The following TRPM6 variants were observed in gnomAD, a reference collection of about 807,000 sequenced individuals.
TRPM6 encodes channel kinase 2.
TRPM6 carries 111 observed loss-of-function variants against 247.6 expected under a neutral mutation model. That is an observed-to-expected ratio of 0.45 (90% confidence interval 0.38 to 0.52). The LOEUF (loss-of-function observed/expected upper bound fraction) is 0.52. Ranked by LOEUF, TRPM6 falls within the 20% of genes least tolerant of loss-of-function variation. TRPM6 has a pLI of 0.00. For missense variants in TRPM6, 2,126 were observed against 2,421.5 expected, an observed-to-expected ratio of 0.88 and a Z score of 2.56; for synonymous variants, 892 against 853.8, an observed-to-expected ratio of 1.04 and a Z score of -0.78.
At chr9:74,806,257 A>G (rs1828522918) in intron 14 of TRPM6, among the ~76,000 whole-genome samples, 1 of 151,778 alleles carries the variant, frequency 6.6e-6, no homozygotes, top group African/African-American at 2.4e-5. Context: ...AAAAAAAACC[A>G]TAGGCTTTTT....
intron 32 of TRPM6, among the ~76,000 whole-genome samples, chr9:74,743,297 T>C (rs1340127247): frequency 1.3e-5 from 2 of 152,192 alleles, no homozygotes; most frequent in Non-Finnish European, 2.9e-5. Context: ...AGGCAATCTA[T>C]TACTAGACCC....
Position 74,762,499 on chromosome 9 carries a change from G to A in TRPM6, c.4172C>T (p.Thr1391Ile). The A allele has an allele frequency of 6.2e-7, 1 of 1,614,148 alleles. No individual in the cohort carries two copies. Among genetic ancestry groups the A allele is most frequent in the Non-Finnish European group, 8.5e-7 (1 of 1,180,020 alleles). Residue 1391 changes from threonine (T) to isoleucine (I), a missense_variant, in exon 26 of 39, where the codon ACC becomes ATC. Thr to Ile is a moderately conservative substitution (Grantham distance 89). Around this residue, in one of 3 missense-constraint regions of TRPM6, gnomAD observed 717 missense variants for 715.9 expected, o/e 1.00. Transcript: ENST00000360774. ...TEVLVHLTGQ[T>I]PVVSDWASVD... ...TGATGCCCAGTCAGAGACAACTGGG[G>A]TCTGCCCAGTCAGATGAACAAGAAC...
chr9:74,769,569 T>C (rs1223491154), intron 25 of TRPM6, among the ~76,000 whole-genome samples: 1 of 151,766 alleles, frequency 6.6e-6, no homozygotes, highest in African/African-American at 2.4e-5. Context: ...GCATCCTGGC[T>C]AACACGGTGA....
intron 3 of TRPM6, among the ~76,000 whole-genome samples, chr9:74,854,798 A>G (rs1419106285): frequency 6.6e-6 from 1 of 152,174 alleles, no homozygotes; most frequent in Admixed American, 6.5e-5. Flanking sequence ...CAAGTAGCTG[A>G]GTATACAGGC....
chr9:74,740,687 A>T (rs1335160625), intron 33 of TRPM6, among the ~76,000 whole-genome samples: 1 of 152,184 alleles, frequency 6.6e-6, no homozygotes, highest in Non-Finnish European at 1.5e-5. Flanking sequence ...ACATGAGGTC[A>T]GTTGTGGGAG....
chr9:74,820,265 G>A, intron 9 of TRPM6, 39 bp downstream of exon 9: 1 of 1,605,148 alleles, frequency 6.2e-7, no homozygotes, highest in South Asian at 1.1e-5. Flanking sequence ...TAAATTAGCA[G>A]TTCTTAAGTC....
chr9:74,828,731 C>G (rs971099052), intron 6 of TRPM6, among the ~76,000 whole-genome samples: 1 of 150,942 alleles, frequency 6.6e-6, no homozygotes, highest in African/African-American at 2.4e-5. Flanking sequence ...CAAGTTCAAG[C>G]GATTCTCCTG....
intron 3 of TRPM6, among the ~76,000 whole-genome samples, chr9:74,852,465 C>G (rs1830360590): frequency 6.6e-6 from 1 of 150,388 alleles, no homozygotes; most frequent in Non-Finnish European, 1.5e-5. Flanking sequence ...CTCTCCCTCT[C>G]CCTCTCCCTC....
intron 7 of TRPM6, among the ~76,000 whole-genome samples, chr9:74,825,005 AT>A (rs1829279099): frequency 6.6e-6 from 1 of 152,184 alleles, no homozygotes; most frequent in Admixed American, 6.5e-5. Context: ...CACACCTGTA[AT>A]TCCAGCACTT....
chr9:74,834,249 C>A, intron 5 of TRPM6, 127 bp from the exon 6 acceptor site: 2 of 1,133,594 alleles, frequency 1.8e-6, no homozygotes, highest in Non-Finnish European at 2.6e-6. Context: ...GTTGCTGGTA[C>A]AGTGGAATTA....
chr9:74,851,019 A>G (rs569921974), intron 3 of TRPM6, among the ~76,000 whole-genome samples: 21 of 152,368 alleles, frequency 1.4e-4, no homozygotes, highest in Non-Finnish European at 2.9e-4. Context: ...ATGCTTTTAT[A>G]AGGCAGTTCT....
rs774916775 is a variant in TRPM6, at chr9:74,752,361, T to G, written c.4914A>C (p.Glu1638Asp). ...TTTTCATTTTCTGATGTATGTAAGG[T>G]TCTACACCTTGTAAAGAGGAAGAGA... ...TVSKFSHTGVEPYIHQKMKTK... is the reference protein window; with the variant it reads ...TVSKFSHTGVDPYIHQKMKTK... The change falls in exon 29 of 39, where the codon GAA becomes GAC. Residue 1638 changes from glutamate (E) to aspartate (D), a missense_variant. Physicochemically the swap from Glu to Asp is conservative, Grantham distance 45. This residue lies in a region of TRPM6 where 717 missense variants were observed against 715.9 expected (regional missense o/e 1.00). Coordinates refer to ENST00000360774, the MANE Select transcript of TRPM6 (RefSeq NM_017662.5). The G allele has an allele frequency of 1.9e-6, 3 of 1,554,022 alleles. No individual in the cohort carries two copies. Among genetic ancestry groups the G allele is most frequent in the Non-Finnish European group, 2.7e-6 (3 of 1,131,920 alleles).
At chr9:74,812,571 A>C in intron 11 of TRPM6, 138 bp from the exon 12 acceptor site, 3 of 855,322 alleles carry the variant, frequency 3.5e-6, no homozygotes, top group Non-Finnish European at 5.4e-6. Context: ...GTACAGAAAA[A>C]AAAAAAAAAG....
At position 74,855,364 on chromosome 9, in the gene TRPM6, G is replaced by A. The variant is rs12344746; in HGVS notation, c.152+163C>T. ...GTAATTCAAGTAGTCTATTACGTTC[G>A]AATACTCACTCTCCATCAAAAACAT... On this transcript the variant is annotated intron_variant, in intron 3 of 38. Transcript: ENST00000360774. Among the ~76,000 whole-genome samples, 1,099 of 152,216 alleles carry A rather than the reference G, an allele frequency of 7.2e-3. 15 individuals carry two copies. Among genetic ancestry groups the A allele is most frequent in the African/African-American group, 0.025 (1,033 of 41,512 alleles).
chr9:74,886,419 T>G (rs1831530253), intron 1 of TRPM6, among the ~76,000 whole-genome samples: 1 of 152,192 alleles, frequency 6.6e-6, no homozygotes, highest in Non-Finnish European at 1.5e-5. Flanking sequence ...CGTTTCCCAC[T>G]TTAACAATTA....
intron 3 of TRPM6, among the ~76,000 whole-genome samples, chr9:74,846,526 T>C (rs1170973917): frequency 6.6e-6 from 1 of 152,166 alleles, no homozygotes; most frequent in African/African-American, 2.4e-5. Context: ...ACATTTTTCT[T>C]ATCGATATTT....
intron 1 of TRPM6, among the ~76,000 whole-genome samples, chr9:74,873,334 T>G (rs144662526): frequency 6.6e-6 from 1 of 152,320 alleles, no homozygotes; most frequent in Non-Finnish European, 1.5e-5. Context: ...TGTACTATCA[T>G]GACCTAGTTA....
At position 74,817,744 on chromosome 9, in the gene TRPM6, G is replaced by T. The variant is rs377648320; in HGVS notation, c.1135-780C>A. On this transcript the variant is annotated intron_variant, in intron 9 of 38. Coordinates refer to ENST00000360774, the MANE Select transcript of TRPM6 (RefSeq NM_017662.5). ...TGCTTTTGTTGCTTCAAAAAAAGGG[G>T]GGGGGAGTCACCTGTTATTAATGGC... 5.1e-3 allele frequency among the ~76,000 whole-genome samples: 780 copies of T among 152,186 alleles called. 1 individual carries two copies. Among genetic ancestry groups the T allele is most frequent in the Non-Finnish European group, 8.4e-3 (570 of 68,018 alleles).
At chr9:74,797,024 A>T (rs890653712) in intron 17 of TRPM6, 131 bp from the exon 18 acceptor site, 9 of 842,814 alleles carry the variant, frequency 1.1e-5, no homozygotes, top group African/African-American at 1.7e-5. Flanking sequence ...TCGCATTTCT[A>T]TAAATAATTT....
Sources: gnomAD v4.1 joint callset for allele counts (sites outside exome capture counted in the v4.1 genomes callset) on GRCh38, gnomAD v4.1.1 for gene constraint, gnomAD v4.1.1 regional missense constraint, MANE v1.5 for transcripts, NCBI Gene and HGNC (gene_info 2026-07-23, HGNC 2026-07-21) for gene names.